Variants in JMJD1C observed in about 807,000 individuals in gnomAD.
The protein encoded by JMJD1C is jumonji domain-containing protein 1C.
In JMJD1C, 31 loss-of-function variants were observed where a neutral mutation model predicts 245.3. The ratio of observed to expected loss-of-function variants is 0.13; its 90% CI spans 0.09 to 0.17. The LOEUF (loss-of-function observed/expected upper bound fraction) is 0.17, where lower values mean the gene tolerates loss of function less well. Ranked by LOEUF, JMJD1C falls within the 10% of genes least tolerant of loss-of-function variation. JMJD1C has a pLI of 1.00. For synonymous variants in JMJD1C, 1,057 were observed against 1,017.4 expected, an observed-to-expected ratio of 1.04 and a Z score of -0.74; for missense variants, 2,691 against 3,000.2, an observed-to-expected ratio of 0.90 and a Z score of 2.41.
At chr10:63,358,382 A>C (rs984831300) in intron 2 of JMJD1C, among the ~76,000 whole-genome samples, 2 of 147,882 alleles carry the variant, frequency 1.4e-5, no homozygotes, top group Non-Finnish European at 3.1e-5. Flanking sequence ...ATGACATAAC[A>C]ATTTAAGAAA....
chr10:63,295,959 ATGTGTGTGTGTGTGTGTGTGTGTG>A lies in JMJD1C; in HGVS notation c.334-31219_334-31196del, dbSNP rs370590868. On this transcript the variant is annotated intron_variant, in intron 2 of 25. Coordinates refer to ENST00000399262, the MANE Select transcript of JMJD1C (RefSeq NM_032776.3). ...TATACATATATATATATACACGTAT[ATGTGTGTGTGTGTGTGTGTGTGTG>A]TGTGTGTGTGTGTGTGTGTGTATAT... is the stretch of plus-strand genomic sequence containing the variant. Among the ~76,000 whole-genome samples the A allele has an allele frequency of 5.7e-4, 51 of 89,810 alleles. 2 individuals carry two copies. Among genetic ancestry groups the A allele is most frequent in the South Asian group, 1.2e-3 (3 of 2,504 alleles). 58.9% of individuals were successfully genotyped at this position (89,810 alleles called of 152,430 possible).
chr10:63,186,512 G>A (rs1189000713), intron 18 of JMJD1C, 129 bp from the exon 19 acceptor site: 3 of 621,630 alleles, frequency 4.8e-6, no homozygotes, highest in East Asian at 6.3e-5. Context: ...CATCATACCT[G>A]ACTGTCACCC....
intron 1 of JMJD1C, among the ~76,000 whole-genome samples, chr10:63,516,658 T>C (rs758025267): frequency 6.6e-6 from 1 of 152,238 alleles, no homozygotes; most frequent in East Asian, 1.9e-4. Context: ...TTAATTGTTA[T>C]AGTTAAGGCT....
Position 63,337,608 on chromosome 10 carries a change from G to GAA in JMJD1C, c.333+42708_333+42709dup, listed in dbSNP as rs368646381. ...GAAAAGAAAAGAAAAGAAAAGAAAA[G>GAA]AAAAGAAAAGAAAAGAAAAAGAAAA... is the stretch of plus-strand genomic sequence containing the variant. On this transcript the variant is annotated intron_variant, in intron 2 of 25. Coordinates refer to ENST00000399262, the MANE Select transcript of JMJD1C (RefSeq NM_032776.3). Among the ~76,000 whole-genome samples, 18 of 92,516 alleles carry GAA rather than the reference G, an allele frequency of 1.9e-4. 1 individual carries two copies. Among genetic ancestry groups the GAA allele is most frequent in the African/African-American group, 2.6e-4 (4 of 15,196 alleles). The allele number at this position is 92,516 out of a possible 152,430, so 60.7% of individuals were successfully genotyped here.
intron 1 of JMJD1C, among the ~76,000 whole-genome samples, chr10:63,516,797 C>T (rs1451272435): frequency 1.3e-5 from 2 of 152,170 alleles, no homozygotes; most frequent in African/African-American, 4.8e-5. Context: ...TCTACCAATA[C>T]CTATAGTGAA....
intron 2 of JMJD1C, among the ~76,000 whole-genome samples, chr10:63,334,806 T>C (rs1195707645): frequency 6.6e-6 from 1 of 151,370 alleles, no homozygotes; most frequent in African/African-American, 2.4e-5. Context: ...CCTCCCGGGT[T>C]CAAACGACTC....
intron 2 of JMJD1C, among the ~76,000 whole-genome samples, chr10:63,366,714 T>C (rs1015049340): frequency 6.6e-6 from 1 of 152,218 alleles, no homozygotes; most frequent in African/African-American, 2.4e-5. Context: ...TTACAAATAA[T>C]AGCTCCAACT....
chr10:63,381,786 C>T (rs1433718636), intron 1 of JMJD1C, among the ~76,000 whole-genome samples: 2 of 152,018 alleles, frequency 1.3e-5, no homozygotes, highest in Non-Finnish European at 2.9e-5. Context: ...GGAGATAAAC[C>T]ATAACTATAT....
chr10:63,521,789 G>A, exon 1 of JMJD1C: 1 of 322,096 alleles, frequency 3.1e-6, no homozygotes, highest in Non-Finnish European at 5.7e-6. Context: ...GCCTAGCTGC[G>A]GCGACTGCGG....
chr10:63,263,029 C>A lies in JMJD1C; in HGVS notation c.447+1622G>T, dbSNP rs139685928. 2.6e-5 allele frequency among the ~76,000 whole-genome samples: 4 copies of A among 152,200 alleles called. No homozygotes were observed. In the East Asian group the frequency reaches 7.7e-4, roughly 29 times the overall value. On this transcript the variant is annotated intron_variant, in intron 3 of 25. Coordinates refer to ENST00000399262, the MANE Select transcript of JMJD1C (RefSeq NM_032776.3). ...TTAAAACATTAAGATTTGGAAGGTTCCTTTGATTTCACCTAGATTCACCTA... is the reference window on the plus strand; with the variant it reads ...TTAAAACATTAAGATTTGGAAGGTTACTTTGATTTCACCTAGATTCACCTA...
intron 1 of JMJD1C, among the ~76,000 whole-genome samples, chr10:63,392,865 TAAAC>T (rs1253292719): frequency 1.1e-4 from 3 of 26,312 alleles, no homozygotes; most frequent in Admixed American, 4.3e-4. Flanking sequence ...AAAAAGTACA[TAAAC>T]ACACACACAC....
intron 5 of JMJD1C, among the ~76,000 whole-genome samples, chr10:63,216,546 T>C (rs1352933420): frequency 6.6e-6 from 1 of 151,446 alleles, no homozygotes. Context: ...CCGTATCTAC[T>C]AAAAATACAA....
intron 16 of JMJD1C, among the ~76,000 whole-genome samples, chr10:63,192,413 T>C (rs1426844217): frequency 6.6e-6 from 1 of 151,934 alleles, no homozygotes; most frequent in African/African-American, 2.4e-5. Context: ...CTACTAAAAA[T>C]ATACACTAGC....
At chr10:63,292,143 G>GTTTTTTTTTTTTTTTT (rs1396774570) in intron 2 of JMJD1C, among the ~76,000 whole-genome samples, 23 of 13,518 alleles carry the variant, frequency 1.7e-3, no homozygotes, top group African/African-American at 3.0e-3. Flanking sequence ...TGTAGAGACA[G>GTTTTTTTTTTTTTTTT]ATTTTTTTTT....
In JMJD1C at chr10:63,201,099, A is replaced by G. The variant is rs575626240; in HGVS notation, c.5075-422T>C. ...GATCCACAGCAAGAACGTAAAGATT[A>G]AAGGTTTATATAGTTAGAAACTACA... On this transcript the variant is annotated intron_variant, in intron 10 of 25. Transcript: ENST00000399262. Among the ~76,000 whole-genome samples the G allele has an allele frequency of 2.6e-5, 4 of 152,336 alleles. No homozygotes were observed. In the South Asian group the frequency reaches 8.3e-4, roughly 32 times the overall value.
At chr10:63,402,936 C>A (rs1414498631) in intron 1 of JMJD1C, among the ~76,000 whole-genome samples, 2 of 152,208 alleles carry the variant, frequency 1.3e-5, no homozygotes, top group African/African-American at 4.8e-5. Flanking sequence ...TTGCTAACAA[C>A]CACTTGTCCC....
intron 1 of JMJD1C, among the ~76,000 whole-genome samples, chr10:63,501,083 G>A (rs975762477): frequency 1.3e-5 from 2 of 152,126 alleles, no homozygotes; most frequent in African/African-American, 4.8e-5. Flanking sequence ...AAGATTCCCA[G>A]TCCTTAAGAG....
At chr10:63,414,017 T>C (rs999174841) in intron 1 of JMJD1C, among the ~76,000 whole-genome samples, 2 of 150,980 alleles carry the variant, frequency 1.3e-5, no homozygotes, top group African/African-American at 2.4e-5. Context: ...CACGGAGTCT[T>C]GCACTGTCGA....
At chr10:63,332,984 T>A (rs1257725147) in intron 2 of JMJD1C, among the ~76,000 whole-genome samples, 1 of 151,982 alleles carries the variant, frequency 6.6e-6, no homozygotes, top group Non-Finnish European at 1.5e-5. Flanking sequence ...TTCTCAAAAA[T>A]AAAAAAAGCA....
Sources: allele counts gnomAD v4.1 joint callset (sites outside exome capture counted in the v4.1 genomes callset), GRCh38; gene constraint gnomAD v4.1.1; transcripts MANE v1.5; gene names NCBI Gene and HGNC (gene_info 2026-07-23, HGNC 2026-07-21).